ROBO1: variants seen among roughly 807,000 people sequenced by gnomAD.
ROBO1 encodes roundabout guidance receptor 1, also known as roundabout homolog 1.
ROBO1 carries 149 observed loss-of-function variants against 195.9 expected under a neutral mutation model. That is an observed-to-expected ratio of 0.76 (90% CI 0.67 to 0.87). ROBO1 has a LOEUF of 0.87. Ranked by LOEUF, ROBO1 falls within the 40% of genes least tolerant of loss-of-function variation. ROBO1 has a pLI of 0.00. For missense variants in ROBO1, 1,933 were observed against 2,068.3 expected, an observed-to-expected ratio of 0.93 and a Z score of 1.27; for synonymous variants, 816 against 733.2, an observed-to-expected ratio of 1.11 and a Z score of -1.82.
intron 2 of ROBO1, among the ~76,000 whole-genome samples, chr3:79,571,841 C>T (rs964380292): frequency 2.0e-5 from 3 of 152,054 alleles, no homozygotes; most frequent in Non-Finnish European, 2.9e-5. Flanking sequence ...TACAGACAGA[C>T]AATTCATTGA....
At chr3:79,149,111 A>C (rs2080712779) in intron 2 of ROBO1, among the ~76,000 whole-genome samples, 1 of 151,922 alleles carries the variant, frequency 6.6e-6, no homozygotes, top group Non-Finnish European at 1.5e-5. Flanking sequence ...AAAATCAGTA[A>C]ATATTATAAA....
At chr3:79,392,001 G>A (rs1471505049) in intron 2 of ROBO1, among the ~76,000 whole-genome samples, 1 of 152,138 alleles carries the variant, frequency 6.6e-6, no homozygotes, top group Non-Finnish European at 1.5e-5. Flanking sequence ...TCTAGTTTAA[G>A]ACGAAATCAT....
intron 2 of ROBO1, among the ~76,000 whole-genome samples, chr3:79,419,116 G>A (rs1365190750): frequency 6.6e-6 from 1 of 152,158 alleles, no homozygotes; most frequent in Non-Finnish European, 1.5e-5. Flanking sequence ...CATATTGCAG[G>A]ATAGTGATTT....
chr3:78,604,547 T>A (rs1703360694), intron 29 of ROBO1, among the ~76,000 whole-genome samples: 1 of 152,216 alleles, frequency 6.6e-6, no homozygotes, highest in African/African-American at 2.4e-5. Context: ...TAAGTAAGTT[T>A]TTCAAGCTTT....
At chr3:79,300,775 C>T (rs899181771) in intron 2 of ROBO1, among the ~76,000 whole-genome samples, 5 of 152,152 alleles carry the variant, frequency 3.3e-5, no homozygotes, top group South Asian at 2.1e-4. Context: ...TTTGTAAACA[C>T]ACCAATCAGC....
At chr3:78,620,871 TTA>T (rs1412501078) in intron 26 of ROBO1, among the ~76,000 whole-genome samples, 1 of 114,224 alleles carries the variant, frequency 8.8e-6, no homozygotes, top group Admixed American at 1.1e-4. Flanking sequence ...TGTAAATATA[TTA>T]TATATATATA....
intron 1 of ROBO1, among the ~76,000 whole-genome samples, chr3:79,596,580 C>A (rs2107844862): frequency 6.6e-6 from 1 of 152,116 alleles, no homozygotes; most frequent in African/African-American, 2.4e-5. Flanking sequence ...ATGTATTAAT[C>A]TATTAATGTA....
At chr3:79,276,036 T>C (rs77167585) in intron 2 of ROBO1, among the ~76,000 whole-genome samples, 1 of 152,026 alleles carries the variant, frequency 6.6e-6, no homozygotes, top group Admixed American at 6.6e-5. Flanking sequence ...TACTGTTAAA[T>C]GTCCATATTC....
chr3:79,358,383 T>A lies in ROBO1; in HGVS notation c.88+231441A>T, dbSNP rs192595070. ...CAAAGGTCAGAGGAAAGATTTTATT[T>A]GATTCAGTCTGTGTCTCCTCTTTGG... On this transcript the variant is annotated intron_variant, in intron 2 of 30. Transcript: ENST00000464233. Among the ~76,000 whole-genome samples the A allele has an allele frequency of 2.6e-3, 395 of 152,172 alleles. 3 individuals carry two copies. The highest frequency in any genetic ancestry group is 8.2e-3 in the African/African-American group (340 of 41,556).
intron 1 of ROBO1, among the ~76,000 whole-genome samples, chr3:79,729,358 A>T (rs1016963638): frequency 6.6e-6 from 1 of 152,198 alleles, no homozygotes; most frequent in African/African-American, 2.4e-5. Context: ...CTTACTTCAA[A>T]GCCCACACTC....
chr3:79,294,057 C>CAAAAAAAAAAA, intron 2 of ROBO1, among the ~76,000 whole-genome samples: 1 of 29,054 alleles, frequency 3.4e-5, no homozygotes, highest in Non-Finnish European at 6.7e-5. Context: ...GACTCCATCT[C>CAAAAAAAAAAA]AAAAAAAAAA....
chr3:78,721,549 A>G (rs1342981514), intron 5 of ROBO1, among the ~76,000 whole-genome samples: 1 of 152,180 alleles, frequency 6.6e-6, no homozygotes, highest in African/African-American at 2.4e-5. Flanking sequence ...TACATAAAAG[A>G]TATACCAAAA....
chr3:79,214,438 C>T (rs528879656), intron 2 of ROBO1, among the ~76,000 whole-genome samples: 1 of 152,130 alleles, frequency 6.6e-6, no homozygotes, highest in Non-Finnish European at 1.5e-5. Context: ...CCTTGCATGA[C>T]TTTGATCAAG....
chr3:79,766,495 G>C (rs938816001), intron 1 of ROBO1, among the ~76,000 whole-genome samples: 4 of 151,726 alleles, frequency 2.6e-5, no homozygotes, highest in African/African-American at 9.7e-5. Context: ...TTAGCGGCCA[G>C]GTGTGAGCGC....
chr3:79,125,786 C>A (rs2080205120), intron 2 of ROBO1, among the ~76,000 whole-genome samples: 1 of 152,188 alleles, frequency 6.6e-6, no homozygotes, highest in South Asian at 2.1e-4. Context: ...CTGCCTGCAC[C>A]TTTGCTACAC....
chr3:78,799,611 G>C (rs912142664), intron 4 of ROBO1, among the ~76,000 whole-genome samples: 3 of 151,990 alleles, frequency 2.0e-5, no homozygotes, highest in Non-Finnish European at 2.9e-5. Flanking sequence ...AAAGTGCTGG[G>C]ATTACAGGCG....
intron 1 of ROBO1, among the ~76,000 whole-genome samples, chr3:79,717,794 A>G (rs950422001): frequency 6.6e-6 from 1 of 152,030 alleles, no homozygotes; most frequent in African/African-American, 2.4e-5. Flanking sequence ...GTTACACTAG[A>G]TTATGTGTTT....
chr3:79,547,089 G>A (rs932772341), intron 2 of ROBO1, among the ~76,000 whole-genome samples: 50 of 148,240 alleles, frequency 3.4e-4, no homozygotes, highest in African/African-American at 1.2e-3. Flanking sequence ...GGAGGCTGAG[G>A]CAGGAGAATG....
At chr3:79,151,167 C>T (rs910123798) in intron 2 of ROBO1, among the ~76,000 whole-genome samples, 2 of 151,846 alleles carry the variant, frequency 1.3e-5, no homozygotes, top group Non-Finnish European at 2.9e-5. Context: ...GATTGCAAGG[C>T]CTCTCCAGCC....
Sources: gnomAD v4.1 joint callset for allele counts (sites outside exome capture counted in the v4.1 genomes callset) on GRCh38, gnomAD v4.1.1 for gene constraint, MANE v1.5 for transcripts, NCBI Gene and HGNC (gene_info 2026-07-23, HGNC 2026-07-21) for gene names.